Variants in NGFR observed in about 807,000 individuals in gnomAD.
NGFR encodes the protein nerve growth factor receptor, also known as tumor necrosis factor receptor superfamily member 16.
NGFR carries 30 observed loss-of-function variants against 43.2 expected under a neutral mutation model. That is an observed-to-expected ratio of 0.69 (90% CI 0.52 to 0.94). The LOEUF is 0.94. NGFR is among the 40% of genes least tolerant of loss of function. The pLI, the probability that NGFR is intolerant of heterozygous loss-of-function variation, is 0.00. For missense variants in NGFR, 529 were observed against 602.5 expected, an observed-to-expected ratio of 0.88 and a Z score of 1.28; for synonymous variants, 246 against 259.6, an observed-to-expected ratio of 0.95 and a Z score of 0.50.
rs147399648 is a variant in NGFR at position 49,504,103 on chromosome 17, C to T, written c.208+1899C>T. Among the ~76,000 whole-genome samples the T allele has an allele frequency of 2.2e-3, 338 of 152,232 alleles. 3 individuals carry two copies. The highest frequency in any genetic ancestry group is 7.7e-3 in the African/African-American group (321 of 41,538). On this transcript the variant is annotated intron_variant, in intron 2 of 5. Transcript: ENST00000172229. ...GCCTTTACAAGCCCACTTTATGGGA[C>T]GGAGACCCCAGCGGACTTTCCCTCT...
intron 4 of NGFR, 93 bp downstream of exon 4, chr17:49,510,757 T>C (rs965516964): frequency 6.6e-7 from 1 of 1,507,722 alleles, no homozygotes. Flanking sequence ...ACACACCCTT[T>C]TAACTCAACC....
At position 49,512,242 on chromosome 17, in the gene NGFR, A is replaced by T. The variant is rs944667481; in HGVS notation, c.982+190A>T. Among the ~76,000 whole-genome samples the T allele has an allele frequency of 6.6e-6, 1 of 152,152 alleles. No homozygotes were observed. The highest frequency in any genetic ancestry group is 1.5e-5 in the Non-Finnish European group (1 of 68,026). ...TCCTCTCTAGAGGAACGACTTGGGA[A>T]ATGGAGGCTTTTACAAGTTGGAGCA... On this transcript the variant is annotated intron_variant, in intron 5 of 5. Transcript: ENST00000172229. This position sits in a 1 kb window ranked among gnomAD's most constrained non-coding sequence, Gnocchi z 5.2.
rs2071247703 is a variant in NGFR at position 49,513,330 on chromosome 17, A to G, written c.*321A>G. On this transcript the variant is annotated 3_prime_UTR_variant, in exon 6 of 6. Transcript: ENST00000172229. ...TAGGTGGGCCAGCCCCTCCCACCAC[A>G]GCAGGTGTCATATATGGGGGGCCAA... is the stretch of plus-strand genomic sequence containing the variant. 2.7e-6 allele frequency: 1 copy of G among 376,926 alleles called. No homozygotes were observed. The highest frequency in any genetic ancestry group is 4.8e-6 in the Non-Finnish European group (1 of 207,724). 23.3% of individuals were successfully genotyped at this position (376,926 alleles called of 1,614,324 possible).
intron 1 of NGFR, 64 bp from the exon 2 acceptor site, chr17:49,501,999 A>AGGCCCCCCCCCCCCC: frequency 3.9e-5 from 13 of 330,982 alleles, no homozygotes; most frequent in East Asian, 6.4e-5. Flanking sequence ...TCCCCGGAAG[A>AGGCCCCCCCCCCCCC]ACCCCCCCCA....
In NGFR at chr17:49,495,704, A is replaced by C; in HGVS notation, c.66+221A>C. 2 of 404,372 alleles carry C rather than the reference A, an allele frequency of 4.9e-6. No homozygotes were observed. Among genetic ancestry groups the C allele is most frequent in the Non-Finnish European group, 8.5e-6 (2 of 235,342 alleles). 25.0% of individuals were successfully genotyped at this position (404,372 alleles called of 1,614,324 possible). A position where few individuals can be genotyped will look rare whatever the true frequency, so the allele number is the denominator to read the frequency against. ...GTGGAGATGAGGGCAAGACCGGAGC[A>C]CGGATGCCGGTCCTCAGGTACCGCA... On this transcript the variant is annotated intron_variant, in intron 1 of 5. Transcript: ENST00000172229. This position sits in a 1 kb window ranked among gnomAD's most constrained non-coding sequence, Gnocchi z 6.4.
At chr17:49,506,218 T>A in intron 2 of NGFR, 81 bp from the exon 3 acceptor site, 1 of 1,494,078 alleles carries the variant, frequency 6.7e-7, no homozygotes, top group Non-Finnish European at 8.9e-7. Flanking sequence ...TGGCAGGCAA[T>A]AGGGGAGGGA....
chr17:49,512,047 G>A lies in NGFR; in HGVS notation c.977G>A (p.Gly326Asp), dbSNP rs2071236502. 6.2e-7 allele frequency: 1 copy of A among 1,613,000 alleles called. No individual in the cohort carries two copies. The highest frequency in any genetic ancestry group is 8.5e-7 in the Non-Finnish European group (1 of 1,179,570). The change falls in exon 5 of 6, where the codon GGC (glycine) becomes GAC (aspartate). Residue 326 changes from glycine to aspartate, a missense_variant. Coordinates refer to ENST00000172229, the MANE Select transcript of NGFR (RefSeq NM_002507.4). The surrounding 1 kb of genome is among the most constrained non-coding windows in gnomAD (Gnocchi z 5.2). The part of the protein sequence containing the change: ...DQQPHTQTAS[G>D]QALKGDGGLY... ...CAGCCCCACACGCAGACAGCCTCGG[G>A]CCAGGGTGAGCAGCGGCCCGCTGGG... is the stretch of plus-strand genomic sequence containing the variant.
Position 49,495,576 on chromosome 17 carries a change from T to C in NGFR, c.66+93T>C, listed in dbSNP as rs962890837. 47 of 1,061,616 alleles carry C rather than the reference T, an allele frequency of 4.4e-5. No individual in the cohort carries two copies. The highest frequency in any genetic ancestry group is 5.2e-5 in the Non-Finnish European group (43 of 830,470). The allele number at this position is 1,061,616 out of a possible 1,614,324, so 65.8% of individuals were successfully genotyped here. On this transcript the variant is annotated intron_variant, in intron 1 of 5. Transcript: ENST00000172229. This position sits in a 1 kb window ranked among gnomAD's most constrained non-coding sequence, Gnocchi z 6.4. ...GCCACCAAGGAAACAGAACAGAGCA[T>C]TGGGGTCCCAGATACTGAGGGTGGG...
chr17:49,496,454 G>A (rs1355696716), intron 1 of NGFR: 2 of 152,448 alleles, frequency 1.3e-5, no homozygotes, highest in East Asian at 3.9e-4. Flanking sequence ...GGACGGAGCG[G>A]GTGTGCCCCT....
intron 1 of NGFR, chr17:49,496,251 G>A (rs1263203224): frequency 6.6e-6 from 1 of 152,312 alleles, no homozygotes; most frequent in African/African-American, 2.4e-5. Context: ...CAGAGGCTTG[G>A]ACATTTCCAG....
At chr17:49,502,018 C>CCCCCCCATT in intron 1 of NGFR, 45 bp from the exon 2 acceptor site, 1 of 1,320,364 alleles carries the variant, frequency 7.6e-7, no homozygotes, top group Non-Finnish European at 1.0e-6. Context: ...CAACCCACCC[C>CCCCCCCATT]AGCTTTCTCT....
At chr17:49,501,999 A>ATGGGCCCCCC in intron 1 of NGFR, 64 bp from the exon 2 acceptor site, 4 of 330,980 alleles carry the variant, frequency 1.2e-5, no homozygotes, top group East Asian at 1.3e-4. Flanking sequence ...TCCCCGGAAG[A>ATGGGCCCCCC]ACCCCCCCCA....
In NGFR at chr17:49,510,588, G is replaced by A. The variant is rs775696447; in HGVS notation, c.745G>A (p.Asp249Asn). 17 of 1,613,918 alleles carry A rather than the reference G, an allele frequency of 1.1e-5. No homozygotes were observed. The highest frequency in any genetic ancestry group is 1.6e-4 in the Middle Eastern group (1 of 6,084). The change falls in exon 4 of 6, where the codon GAC (aspartate) becomes AAC (asparagine). Residue 249 changes from aspartate to asparagine, a missense_variant. Asp to Asn is a conservative substitution (Grantham distance 23). Coordinates refer to ENST00000172229, the MANE Select transcript of NGFR (RefSeq NM_002507.4). ...GCCCGTGGTGACCCGAGGCACCACC[G>A]ACAACCTCATCCCTGTCTATTGCTC... ...SQPVVTRGTT[D>N]NLIPVYCSIL... is the part of the protein sequence containing the mutation.
At chr17:49,501,994 G>T in intron 1 of NGFR, 69 bp from the exon 2 acceptor site, 1 of 798,740 alleles carries the variant, frequency 1.3e-6, no homozygotes, top group South Asian at 1.8e-5. Context: ...TTGATTCCCC[G>T]GAAGAACCCC....
intron 1 of NGFR, 64 bp from the exon 2 acceptor site, chr17:49,501,999 A>AGGGGGGGCCCCCCCCCCCCCC: frequency 3.0e-6 from 1 of 330,984 alleles, no homozygotes; most frequent in Non-Finnish European, 5.9e-6. Context: ...TCCCCGGAAG[A>AGGGGGGGCCCCCCCCCCCCCC]ACCCCCCCCA....
chr17:49,511,071 C>G (rs2071229229), intron 4 of NGFR: 1 of 164,338 alleles, frequency 6.1e-6, no homozygotes, highest in South Asian at 2.0e-4. Flanking sequence ...TGCACGAACT[C>G]CCAGAAGGCA....
rs2071132401 is a variant in NGFR at position 49,495,393 on chromosome 17, C to A, written c.-25C>A. On this transcript the variant is annotated 5_prime_UTR_variant, in exon 1 of 6. Coordinates refer to ENST00000172229, the MANE Select transcript of NGFR (RefSeq NM_002507.4). This position sits in a 1 kb window ranked among gnomAD's most constrained non-coding sequence, Gnocchi z 6.4. Reference sequence around the variant, plus strand: ...CCGCAAAGCGGACCGAGCTGGAAGTCGAGCGCTGCCGCGGGAGGCGGGCGA... The same window carrying A: ...CCGCAAAGCGGACCGAGCTGGAAGTAGAGCGCTGCCGCGGGAGGCGGGCGA... 2 of 1,232,306 alleles carry A rather than the reference C, an allele frequency of 1.6e-6. No homozygotes were observed. The highest frequency in any genetic ancestry group is 6.3e-5 in the East Asian group (2 of 31,674). 76.3% of individuals were successfully genotyped at this position (1,232,306 alleles called of 1,614,324 possible).
At chr17:49,504,114 G>T (rs2071182688) in intron 2 of NGFR, among the ~76,000 whole-genome samples, 1 of 152,024 alleles carries the variant, frequency 6.6e-6, no homozygotes, top group Non-Finnish European at 1.5e-5. Flanking sequence ...GGAGACCCCA[G>T]CGGACTTTCC....
At chr17:49,500,756 T>C (rs3785931) in intron 1 of NGFR, among the ~76,000 whole-genome samples, 56,377 of 152,026 alleles carry the variant, frequency 0.37, 12,043 homozygotes, top group African/African-American at 0.58. Flanking sequence ...ACCTCCTCTG[T>C]TGCCTGTGCC....
Sources: allele counts gnomAD v4.1 joint callset (sites outside exome capture counted in the v4.1 genomes callset), GRCh38; gene constraint gnomAD v4.1.1; non-coding constraint Gnocchi (gnomAD v3.1); transcripts MANE v1.5; gene names NCBI Gene and HGNC (gene_info 2026-07-23, HGNC 2026-07-21).